KATNIP: variants seen among roughly 807,000 people sequenced by gnomAD.
The protein encoded by KATNIP is katanin interacting protein.
A neutral mutation model predicts 174.0 loss-of-function variants in KATNIP; 126 were observed. The ratio of observed to expected loss-of-function variants is 0.72; its 90% CI spans 0.63 to 0.84. The LOEUF (loss-of-function observed/expected upper bound fraction) is 0.84. Among genes scored for constraint, KATNIP ranks in the 40% least tolerant of loss-of-function variants. The probability of loss-of-function intolerance (pLI) is 0.00; values close to 1 mark genes in which losing one functional copy is unlikely to be tolerated. For synonymous variants in KATNIP, 810 were observed against 835.7 expected, an observed-to-expected ratio of 0.97 and a Z score of 0.53; for missense variants, 1,958 against 2,109.7, an observed-to-expected ratio of 0.93 and a Z score of 1.41.
At chr16:27,771,732 C>A in intron 22 of KATNIP, 80 bp downstream of exon 22, 1 of 1,441,210 alleles carries the variant, frequency 6.9e-7, no homozygotes, top group Non-Finnish European at 9.7e-7. Flanking sequence ...GCCAGGGTTT[C>A]AGGCGGCCAC....
intron 6 of KATNIP, among the ~76,000 whole-genome samples, chr16:27,655,197 TATATATATATATATATA>T (rs2077233862): frequency 5.7e-5 from 6 of 104,666 alleles, no homozygotes; most frequent in African/African-American, 3.0e-4. Context: ...TATATATATA[TATATATATATATATATA>T]TATATATATA....
chr16:27,726,557 G>A (rs761220126), intron 14 of KATNIP, among the ~76,000 whole-genome samples: 7 of 152,206 alleles, frequency 4.6e-5, no homozygotes, highest in African/African-American at 7.2e-5. Context: ...GGGTACAGTG[G>A]TGAACAAATA....
At chr16:27,593,111 A>G (rs974724128) in intron 2 of KATNIP, among the ~76,000 whole-genome samples, 2 of 152,060 alleles carry the variant, frequency 1.3e-5, no homozygotes, top group Non-Finnish European at 2.9e-5. Context: ...CTAGGTACAA[A>G]TCGACTTTCT....
intron 6 of KATNIP, chr16:27,669,156 C>T (rs924769755): frequency 3.8e-5 from 12 of 318,722 alleles, no homozygotes; most frequent in Non-Finnish European, 5.0e-5. Context: ...GTTTGATGGT[C>T]GCCTGATGTC....
chr16:27,611,788 A>C (rs2075899957), intron 2 of KATNIP, among the ~76,000 whole-genome samples: 2 of 152,208 alleles, frequency 1.3e-5, no homozygotes, highest in Admixed American at 6.5e-5. Flanking sequence ...ACACCTCCAA[A>C]TCCCCAGATA....
At chr16:27,558,845 A>G (rs558425412) in intron 1 of KATNIP, among the ~76,000 whole-genome samples, 2 of 150,798 alleles carry the variant, frequency 1.3e-5, no homozygotes, top group East Asian at 3.9e-4. Context: ...TGTCTGTTTT[A>G]TACCACACAC....
At chr16:27,684,694 G>T (rs551508809) in intron 8 of KATNIP, among the ~76,000 whole-genome samples, 6 of 152,184 alleles carry the variant, frequency 3.9e-5, no homozygotes, top group Non-Finnish European at 5.9e-5. Context: ...TGAAGGCACT[G>T]GGGGGTAGTC....
In KATNIP at chr16:27,778,441, G is replaced by A. The variant is rs574077171; in HGVS notation, c.4802-133G>A. ...GAGGGAAGGGGCCAGCGTGCCAGGC[G>A]CCCCGAGAGCAGGGACTTTTCCAAG... is the stretch of plus-strand genomic sequence containing the variant. On this transcript the variant is annotated intron_variant, in intron 27 of 27. Coordinates refer to ENST00000261588, the MANE Select transcript of KATNIP (RefSeq NM_015202.5). 250 of 819,764 alleles carry A rather than the reference G, an allele frequency of 3.0e-4. 2 individuals are homozygous for A. The African/African-American group carries it at 3.8e-3, about 13-fold the overall frequency. The allele number at this position is 819,764 out of a possible 1,614,324, so 50.8% of individuals were successfully genotyped here.
chr16:27,677,065 A>G (rs955625210), intron 6 of KATNIP, among the ~76,000 whole-genome samples: 13 of 152,316 alleles, frequency 8.5e-5, no homozygotes, highest in African/African-American at 3.1e-4. Context: ...GTCACTCTAA[A>G]TATAGATCTT....
At chr16:27,651,677 G>A (rs1037487743) in intron 6 of KATNIP, among the ~76,000 whole-genome samples, 2 of 152,096 alleles carry the variant, frequency 1.3e-5, no homozygotes, top group East Asian at 3.8e-4. Flanking sequence ...CCGTTGACTT[G>A]TACATTGCTT....
intron 2 of KATNIP, among the ~76,000 whole-genome samples, chr16:27,581,147 C>T (rs558572418): frequency 6.6e-6 from 1 of 152,172 alleles, no homozygotes; most frequent in South Asian, 2.1e-4. Flanking sequence ...AATTTTATGT[C>T]ATTTCAGGTC....
At chr16:27,720,622 C>T (rs771239681) in intron 13 of KATNIP, among the ~76,000 whole-genome samples, 2 of 150,112 alleles carry the variant, frequency 1.3e-5, no homozygotes, top group African/African-American at 4.9e-5. Context: ...CTGACATGGA[C>T]GTGAAAAGAG....
At chr16:27,706,203 A>T (rs1368575452) in intron 12 of KATNIP, among the ~76,000 whole-genome samples, 1 of 151,118 alleles carries the variant, frequency 6.6e-6, no homozygotes. Context: ...ATGGTCCCCA[A>T]ATAGCTAGAA....
rs745310089 is a variant in KATNIP, at chr16:27,775,004, AC to A, written c.4373del (p.Pro1458GlnfsTer8). The A allele has an allele frequency of 6.2e-7, 1 of 1,613,646 alleles. No individual in the cohort carries two copies. Among genetic ancestry groups the A allele is most frequent in the South Asian group, 1.1e-5 (1 of 91,054 alleles). On this transcript the variant is annotated frameshift_variant, in exon 24 of 28. Transcript: ENST00000261588. LOFTEE classifies it high-confidence loss of function. ...GGAGGGTGTGGGCGGGGACGTCCGCACCCCAGACAAGCTCATCGACCAAGTG... is the reference window on the plus strand; with the variant it reads ...GGAGGGTGTGGGCGGGGACGTCCGCACCCAGACAAGCTCATCGACCAAGTG... ...SLEGVGGDVR[T>X]PDKLIDQVND...
At chr16:27,603,910 T>C (rs1364674267) in intron 2 of KATNIP, among the ~76,000 whole-genome samples, 2 of 151,076 alleles carry the variant, frequency 1.3e-5, no homozygotes, top group East Asian at 4.0e-4. Flanking sequence ...CTAATTTTTG[T>C]ATTTTTAGTA....
At chr16:27,664,409 A>G (rs2077619787) in intron 6 of KATNIP, among the ~76,000 whole-genome samples, 1 of 152,204 alleles carries the variant, frequency 6.6e-6, no homozygotes, top group Admixed American at 6.5e-5. Flanking sequence ...ATTAGTTGTA[A>G]TACTTAACTG....
chr16:27,774,834 A>C, intron 23 of KATNIP, 111 bp from the exon 24 acceptor site: 1 of 1,287,146 alleles, frequency 7.8e-7, no homozygotes, highest in Non-Finnish European at 1.1e-6. Context: ...GGCTGCCCAA[A>C]GCATCAGCCC....
chr16:27,652,745 A>G (rs950653852), intron 6 of KATNIP, among the ~76,000 whole-genome samples: 11 of 151,766 alleles, frequency 7.2e-5, no homozygotes, highest in African/African-American at 2.7e-4. Flanking sequence ...CCTAGGAGGC[A>G]GAAGTTACAG....
At chr16:27,616,887 T>TAAAAAAAA (rs556687403) in intron 2 of KATNIP, among the ~76,000 whole-genome samples, 3 of 31,428 alleles carry the variant, frequency 9.5e-5, no homozygotes, top group Admixed American at 7.0e-4. Context: ...CCATCTCTAC[T>TAAAAAAAA]AAAAAAAAAA....
Sources: allele counts gnomAD v4.1 joint callset (sites outside exome capture counted in the v4.1 genomes callset), GRCh38; gene constraint gnomAD v4.1.1; transcripts MANE v1.5; gene names NCBI Gene and HGNC (gene_info 2026-07-23, HGNC 2026-07-21).